Variants in C10orf67 observed in about 807,000 individuals in gnomAD.
The protein encoded by C10orf67 is uncharacterized protein C10orf67, mitochondrial.
In C10orf67, 60 loss-of-function variants were observed where a neutral mutation model predicts 35.6. The observed-to-expected ratio is 1.68, with a 90% CI of 1.37 to 2.09. The LOEUF is 2.09. C10orf67 is among the 30% of genes most tolerant of loss of function. The pLI is 0.00. For synonymous variants in C10orf67, 167 were observed against 115.8 expected (o/e 1.44, Z -2.84); for missense variants, 474 against 330.2 (o/e 1.44, Z -3.38).
intron 1 of C10orf67, among the ~76,000 whole-genome samples, chr10:23,343,128 T>C (rs755127467): frequency 6.6e-6 from 1 of 152,176 alleles, no homozygotes; most frequent in Non-Finnish European, 1.5e-5. Flanking sequence ...GAATAGCAAA[T>C]AATGACATCG....
At chr10:23,234,774 G>C (rs539562838) in intron 13 of C10orf67, among the ~76,000 whole-genome samples, 21 of 151,782 alleles carry the variant, frequency 1.4e-4, no homozygotes, top group African/African-American at 4.3e-4. Context: ...CAGCACTTTG[G>C]GGGGCTGAGG....
chr10:23,258,446 G>T, intron 10 of C10orf67: 1 of 168,266 alleles, frequency 5.9e-6, no homozygotes, highest in South Asian at 1.7e-4. Flanking sequence ...GGACAGACTA[G>T]GTTGTTCCAG....
intron 2 of C10orf67, among the ~76,000 whole-genome samples, chr10:23,329,797 CA>C (rs398013008): frequency 0.013 from 647 of 48,076 alleles, 7 homozygotes; most frequent in African/African-American, 0.056. Flanking sequence ...GAACTTGTCT[CA>C]AAAAAAAAAA....
intron 10 of C10orf67, among the ~76,000 whole-genome samples, chr10:23,257,975 G>A (rs939541808): frequency 1.3e-5 from 2 of 152,126 alleles, no homozygotes; most frequent in South Asian, 2.1e-4. Context: ...AGTCTCATAA[G>A]AGACAGGTTA....
intron 4 of C10orf67, 142 bp downstream of exon 4, chr10:23,320,599 C>T (rs1844909553): frequency 6.3e-6 from 4 of 639,790 alleles, no homozygotes; most frequent in Non-Finnish European, 1.1e-5. Flanking sequence ...GGCCTGATCC[C>T]TCTAAGGTGA....
At chr10:23,299,093 C>T (rs561673971) in intron 5 of C10orf67, among the ~76,000 whole-genome samples, 10 of 152,272 alleles carry the variant, frequency 6.6e-5, no homozygotes, top group African/African-American at 2.4e-4. Flanking sequence ...ACTCTGCTTC[C>T]TCTGGTATTT....
At chr10:23,333,800 T>G (rs1438922684) in intron 1 of C10orf67, among the ~76,000 whole-genome samples, 1 of 152,098 alleles carries the variant, frequency 6.6e-6, no homozygotes, top group Non-Finnish European at 1.5e-5. Context: ...TCATGAAAGT[T>G]TTTGTTTTAG....
At chr10:23,290,749 C>T (rs533894694) in intron 6 of C10orf67, among the ~76,000 whole-genome samples, 1 of 152,300 alleles carries the variant, frequency 6.6e-6, no homozygotes, top group Non-Finnish European at 1.5e-5. Context: ...AAGCATATCC[C>T]TATATGTATT....
chr10:23,205,179 T>C (rs1841125250), intron 15 of C10orf67, among the ~76,000 whole-genome samples: 1 of 152,212 alleles, frequency 6.6e-6, no homozygotes, highest in Non-Finnish European at 1.5e-5. Flanking sequence ...CAGAAGGGCC[T>C]TTCTTTTTCT....
At chr10:23,267,437 T>C (rs1398146710) in intron 8 of C10orf67, among the ~76,000 whole-genome samples, 183 bp from the exon 9 acceptor site, 1 of 152,186 alleles carries the variant, frequency 6.6e-6, no homozygotes, top group Non-Finnish European at 1.5e-5. Context: ...AAAAGAACTT[T>C]TATTAAAAAA....
At chr10:23,296,611 G>A (rs190451185) in intron 5 of C10orf67, among the ~76,000 whole-genome samples, 29 of 152,284 alleles carry the variant, frequency 1.9e-4, no homozygotes, top group Admixed American at 1.6e-3. Context: ...GAATTGGGGT[G>A]TACTAGGGGT....
At chr10:23,224,749 G>A (rs1001373233) in intron 13 of C10orf67, among the ~76,000 whole-genome samples, 3 of 152,192 alleles carry the variant, frequency 2.0e-5, no homozygotes, top group South Asian at 2.1e-4. Context: ...TTTAGTAGCC[G>A]ATTCGATCAA....
intron 8 of C10orf67, among the ~76,000 whole-genome samples, chr10:23,279,633 G>T (rs1843307014): frequency 6.6e-6 from 1 of 152,132 alleles, no homozygotes; most frequent in South Asian, 2.1e-4. Context: ...TTCAATCATG[G>T]TGTTTTTCTG....
intron 8 of C10orf67, 93 bp downstream of exon 8, chr10:23,281,920 A>G (rs1317450797): frequency 4.3e-6 from 2 of 464,014 alleles, no homozygotes; most frequent in Non-Finnish European, 7.9e-6. Context: ...AGTCATTCAC[A>G]GGAAACAATC....
chr10:23,340,850 T>A (rs1413601903), intron 1 of C10orf67, among the ~76,000 whole-genome samples: 2 of 152,226 alleles, frequency 1.3e-5, no homozygotes, highest in Admixed American at 6.5e-5. Flanking sequence ...TTATGTTTTT[T>A]AAAATAAATT....
chr10:23,273,473 T>C (rs1843087718), intron 8 of C10orf67, among the ~76,000 whole-genome samples: 1 of 152,186 alleles, frequency 6.6e-6, no homozygotes, highest in African/African-American at 2.4e-5. Context: ...GAACAAAATA[T>C]ATTTATCTTC....
chr10:23,206,036 T>G (rs966863727), intron 15 of C10orf67, among the ~76,000 whole-genome samples: 4 of 152,222 alleles, frequency 2.6e-5, no homozygotes, highest in Non-Finnish European at 4.4e-5. Context: ...CCCCAATCAT[T>G]TTTTATACTG....
intron 15 of C10orf67, among the ~76,000 whole-genome samples, chr10:23,207,083 A>G (rs1841178765): frequency 6.6e-6 from 1 of 151,706 alleles, no homozygotes; most frequent in African/African-American, 2.4e-5. Flanking sequence ...ATTACAGCTC[A>G]CACTGCCCAG....
chr10:23,313,193 C>A (rs970378968), intron 4 of C10orf67, among the ~76,000 whole-genome samples: 1 of 152,206 alleles, frequency 6.6e-6, no homozygotes, highest in Non-Finnish European at 1.5e-5. Flanking sequence ...TGGGTACAAA[C>A]CTCCAATGTG....
Sources: gnomAD v4.1 joint callset for allele counts (sites outside exome capture counted in the v4.1 genomes callset) on GRCh38, gnomAD v4.1.1 for gene constraint, MANE v1.5 for transcripts, NCBI Gene and HGNC (gene_info 2026-07-23, HGNC 2026-07-21) for gene names.